PCDHGA1: variants seen among roughly 807,000 people sequenced by gnomAD.
PCDHGA1 encodes the protein protocadherin gamma subfamily A, 1.
In PCDHGA1, 32 loss-of-function variants were observed where a neutral mutation model predicts 58.0. That is an observed-to-expected ratio of 0.55 (90% CI 0.42 to 0.74). The LOEUF (loss-of-function observed/expected upper bound fraction) is 0.74. Among genes scored for constraint, PCDHGA1 ranks in the 30% least tolerant of loss-of-function variants. The probability of loss-of-function intolerance (pLI) is 0.00; values close to 1 mark genes in which losing one functional copy is unlikely to be tolerated. For missense variants in PCDHGA1, 1,205 were observed against 1,182.3 expected (o/e 1.02, Z -0.28); for synonymous variants, 498 against 501.1 (o/e 0.99, Z 0.08).
At chr5:141,422,957 A>C in intron 1 of PCDHGA1, 1 of 1,614,190 alleles carries the variant, frequency 6.2e-7, no homozygotes. Flanking sequence ...ACTGGCGTGG[A>C]GCTGGCGCCC....
At chr5:141,507,809 C>G (rs866898784) in intron 3 of PCDHGA1, among the ~76,000 whole-genome samples, 1 of 152,206 alleles carries the variant, frequency 6.6e-6, no homozygotes, top group Non-Finnish European at 1.5e-5. Context: ...CCCTGGGGAA[C>G]GGACCCTGGG....
chr5:141,495,810 C>T (rs1003475681), intron 2 of PCDHGA1, among the ~76,000 whole-genome samples: 1 of 152,088 alleles, frequency 6.6e-6, no homozygotes, highest in Non-Finnish European at 1.5e-5. Context: ...CGTTTCCTAG[C>T]GCCTTGTGTT....
chr5:141,399,194 C>A (rs770516092), intron 1 of PCDHGA1: 24 of 1,613,720 alleles, frequency 1.5e-5, no homozygotes, highest in Non-Finnish European at 1.5e-5. Context: ...CTGGAAAACG[C>A]GGTGCCTGGA....
At chr5:141,509,096 T>C (rs1364889034) in intron 3 of PCDHGA1, among the ~76,000 whole-genome samples, 1 of 152,124 alleles carries the variant, frequency 6.6e-6, no homozygotes, top group African/African-American at 2.4e-5. Context: ...ATGGGGGCTG[T>C]AGAAACCTGA....
chr5:141,409,715 G>C (rs2095305446), intron 1 of PCDHGA1: 9 of 1,613,084 alleles, frequency 5.6e-6, no homozygotes, highest in Admixed American at 1.7e-5. Flanking sequence ...GTCGTCATAC[G>C]TGTCAGTGAG....
chr5:141,477,158 A>G lies in PCDHGA1; in HGVS notation c.2422-17649A>G, dbSNP rs1476516538. 1.2e-6 allele frequency: 2 copies of G among 1,614,154 alleles called. No individual in the cohort carries two copies. Among genetic ancestry groups the G allele is most frequent in the Non-Finnish European group, 1.7e-6 (2 of 1,180,018 alleles). ...GGTGGAGGTTGTGGATGTGAATGACAACGCCCCGGAGATCACAGTCACCTC... is the reference window on the plus strand; with the variant it reads ...GGTGGAGGTTGTGGATGTGAATGACGACGCCCCGGAGATCACAGTCACCTC... On this transcript the variant is annotated intron_variant, in intron 1 of 3. Coordinates refer to ENST00000517417, the MANE Select transcript of PCDHGA1 (RefSeq NM_018912.3). This position sits in a 1 kb window ranked among gnomAD's most constrained non-coding sequence, Gnocchi z 4.9.
intron 1 of PCDHGA1, among the ~76,000 whole-genome samples, chr5:141,452,416 C>T (rs2098741061): frequency 6.6e-6 from 1 of 152,144 alleles, no homozygotes; most frequent in African/African-American, 2.4e-5. Context: ...GAGGTATGCT[C>T]ACTGCTAATG....
chr5:141,373,179 T>G (rs576905646), intron 1 of PCDHGA1, among the ~76,000 whole-genome samples: 1 of 152,360 alleles, frequency 6.6e-6, no homozygotes, highest in East Asian at 1.9e-4. Flanking sequence ...TCCTAAAATA[T>G]ATGAAACATT....
Position 141,388,955 on chromosome 5 carries a change from C to T in PCDHGA1, c.2421+55850C>T, listed in dbSNP as rs183330174. ...CTCTACCCAACCTAATTATGGAGGA[C>T]GCCGAGCTGGGAACACATATTGCTT... On this transcript the variant is annotated intron_variant, in intron 1 of 3. Transcript: ENST00000517417. 126 of 1,613,914 alleles carry T rather than the reference C, an allele frequency of 7.8e-5. 1 individual carries two copies. In the African/African-American group the frequency reaches 1.3e-3, roughly 17 times the overall value.
At chr5:141,341,005 C>T (rs145627101) in intron 1 of PCDHGA1, 2 of 1,613,988 alleles carry the variant, frequency 1.2e-6, no homozygotes, top group Non-Finnish European at 1.7e-6. Flanking sequence ...TGGGCAGCCT[C>T]GAGCCCTCCG....
chr5:141,489,210 G>C lies in PCDHGA1; in HGVS notation c.2422-5597G>C. ...TCTACCTTGGAGACAGGACAGCACA[G>C]ACTTACTCTCCACAAAGGGACTTCT... On this transcript the variant is annotated intron_variant, in intron 1 of 3. Coordinates refer to ENST00000517417, the MANE Select transcript of PCDHGA1 (RefSeq NM_018912.3). This position sits in a 1 kb window ranked among gnomAD's most constrained non-coding sequence, Gnocchi z 4.5. 6.8e-7 allele frequency: 1 copy of C among 1,461,860 alleles called. No individual in the cohort carries two copies. Among genetic ancestry groups the C allele is most frequent in the African/African-American group, 1.4e-5 (1 of 70,802 alleles). 90.6% of individuals were successfully genotyped at this position (1,461,860 alleles called of 1,614,324 possible).
At position 141,393,679 on chromosome 5, in the gene PCDHGA1, C is replaced by T. The variant is rs1188443485; in HGVS notation, c.2421+60574C>T. 4.3e-6 allele frequency: 7 copies of T among 1,613,894 alleles called. No individual in the cohort carries two copies. Among genetic ancestry groups the T allele is most frequent in the Non-Finnish European group, 5.9e-6 (7 of 1,179,900 alleles). ...TTCCGGAAAATTAATGAAAAACAAA[C>T]TCCGTTATTCCAGCTTAATGAAAAT... On this transcript the variant is annotated intron_variant, in intron 1 of 3. Transcript: ENST00000517417.
intron 2 of PCDHGA1, among the ~76,000 whole-genome samples, chr5:141,500,046 T>C (rs959260262): frequency 1.3e-5 from 2 of 152,098 alleles, no homozygotes; most frequent in African/African-American, 4.8e-5. Context: ...TTAAGTATCT[T>C]AATGCTCTTT....
intron 1 of PCDHGA1, chr5:141,355,820 T>G (rs2149787914): frequency 6.2e-7 from 1 of 1,612,978 alleles, no homozygotes. Context: ...GAAGAGGCGG[T>G]TCACCACCTC....
chr5:141,345,264 G>T (rs369204878), intron 1 of PCDHGA1: 1 of 1,613,912 alleles, frequency 6.2e-7, no homozygotes, highest in African/African-American at 1.3e-5. Context: ...CACATCCCTG[G>T]ACCGCGAACA....
intron 1 of PCDHGA1, chr5:141,433,196 C>A (rs750657930): frequency 4.4e-6 from 7 of 1,575,116 alleles, no homozygotes; most frequent in African/African-American, 1.4e-5. Context: ...GAGTTTATAT[C>A]AAATCTTCTT....
At chr5:141,374,608 T>C (rs1480045739) in intron 1 of PCDHGA1, 1 of 1,613,484 alleles carries the variant, frequency 6.2e-7, no homozygotes, top group African/African-American at 1.3e-5. Flanking sequence ...TCAGTGGTAA[T>C]AGTCACTTCT....
chr5:141,344,074 C>A (rs768383446), intron 1 of PCDHGA1: 1 of 1,608,972 alleles, frequency 6.2e-7, no homozygotes, highest in South Asian at 1.1e-5. Flanking sequence ...AGAGGACTGG[C>A]CCTGCTGTGC....
chr5:141,357,752 T>C (rs1760725743), intron 1 of PCDHGA1: 3 of 1,127,116 alleles, frequency 2.7e-6, no homozygotes, highest in Non-Finnish European at 3.7e-6. Context: ...TAAAGAAAAC[T>C]GGTGGATGAC....
Sources: gnomAD v4.1 joint callset for allele counts (sites outside exome capture counted in the v4.1 genomes callset) on GRCh38, gnomAD v4.1.1 for gene constraint, Gnocchi (gnomAD v3.1) non-coding constraint, MANE v1.5 for transcripts, NCBI Gene and HGNC (gene_info 2026-07-23, HGNC 2026-07-21) for gene names.